Variants in ZBTB20 observed in about 807,000 individuals in gnomAD.
ZBTB20 encodes the protein zinc finger and BTB domain-containing protein 20.
Under a neutral mutation model 56.9 loss-of-function variants are expected in ZBTB20, and 9 were observed. The observed-to-expected ratio is 0.16, with a 90% confidence interval of 0.10 to 0.28. The LOEUF (loss-of-function observed/expected upper bound fraction) is 0.28. ZBTB20 is among the 10% of genes least tolerant of loss of function. The pLI is 1.00. For missense variants in ZBTB20, 655 were observed against 1,003.0 expected (o/e 0.65, Z 4.69); for synonymous variants, 417 against 420.7 (o/e 0.99, Z 0.11).
chr3:114,494,042 T>A (rs1484424818), intron 7 of ZBTB20, among the ~76,000 whole-genome samples: 2 of 152,232 alleles, frequency 1.3e-5, no homozygotes, highest in Non-Finnish European at 2.9e-5. Flanking sequence ...AAATCTCAGT[T>A]TTCTGATCTG....
chr3:114,677,723 A>T (rs943715586), intron 6 of ZBTB20, among the ~76,000 whole-genome samples: 20 of 151,798 alleles, frequency 1.3e-4, no homozygotes, highest in African/African-American at 4.6e-4. Flanking sequence ...AAATTTGAAA[A>T]ATATATATAT....
intron 3 of ZBTB20, among the ~76,000 whole-genome samples, chr3:114,920,541 C>T (rs2075916940): frequency 6.6e-6 from 1 of 151,914 alleles, no homozygotes. Context: ...TTCTTAACAG[C>T]CAATGTGTAA....
intron 5 of ZBTB20, among the ~76,000 whole-genome samples, chr3:114,796,787 T>C (rs567660534): frequency 6.6e-6 from 1 of 152,100 alleles, no homozygotes; most frequent in South Asian, 2.1e-4. Context: ...TTTGATATGC[T>C]GACTCAGAGA....
Position 114,329,700 on chromosome 3 carries a change from C to CT in ZBTB20, c.*9304dup, listed in dbSNP as rs2079173849. The CT allele has an allele frequency of 5.8e-5, 2 of 34,636 alleles. No homozygotes were observed. The highest frequency in any genetic ancestry group is 1.4e-3 in the East Asian group (1 of 708). 2.1% of individuals were successfully genotyped at this position (34,636 alleles called of 1,614,324 possible). A position where few individuals can be genotyped will look rare whatever the true frequency, so the allele number is the denominator to read the frequency against. On this transcript the variant is annotated 3_prime_UTR_variant, in exon 12 of 12. Coordinates refer to ENST00000675478, the MANE Select transcript of ZBTB20 (RefSeq NM_001348800.3). Reference sequence around the variant, plus strand: ...AAGAGTTCCTGAAACTCTGGTTTTACTTTTTTTGGAAAAAAAAAAAAAAAA... The same window carrying CT: ...AAGAGTTCCTGAAACTCTGGTTTTACTTTTTTTTGGAAAAAAAAAAAAAAAA...
intron 10 of ZBTB20, among the ~76,000 whole-genome samples, chr3:114,358,861 CCTCAGTG>C (rs1428155348): frequency 6.6e-6 from 1 of 152,166 alleles, no homozygotes; most frequent in Non-Finnish European, 1.5e-5. Flanking sequence ...TTCTCCCAGA[CCTCAGTG>C]CTCAGGAAAA....
intron 6 of ZBTB20, among the ~76,000 whole-genome samples, chr3:114,520,862 G>T (rs1021720665): frequency 1.3e-5 from 2 of 152,044 alleles, no homozygotes; most frequent in African/African-American, 4.8e-5. Flanking sequence ...CCCTATGTGA[G>T]TAAATATTAA....
chr3:114,751,280 GA>G (rs1206047035), intron 5 of ZBTB20, among the ~76,000 whole-genome samples: 1 of 151,974 alleles, frequency 6.6e-6, no homozygotes, highest in Non-Finnish European at 1.5e-5. Flanking sequence ...CTCTACCAAG[GA>G]CTATACACAC....
intron 2 of ZBTB20, among the ~76,000 whole-genome samples, chr3:114,997,994 T>C (rs1380804385): frequency 1.3e-5 from 2 of 151,782 alleles, no homozygotes; most frequent in Non-Finnish European, 2.9e-5. Flanking sequence ...TCATTTATTT[T>C]TTTAGGATAT....
At chr3:114,444,983 C>T (rs11922796) in intron 7 of ZBTB20, among the ~76,000 whole-genome samples, 38,992 of 152,024 alleles carry the variant, frequency 0.26, 5,488 homozygotes, top group Admixed American at 0.34. Flanking sequence ...AGTTGGTTAA[C>T]CCACTCACCC....
intron 10 of ZBTB20, among the ~76,000 whole-genome samples, chr3:114,379,999 C>T (rs1437546932): frequency 6.6e-6 from 1 of 152,150 alleles, no homozygotes; most frequent in South Asian, 2.1e-4. Flanking sequence ...AATTAATCAG[C>T]CCTTTAAGGC....
At chr3:114,509,876 T>A (rs1379767372) in intron 6 of ZBTB20, among the ~76,000 whole-genome samples, 1 of 152,108 alleles carries the variant, frequency 6.6e-6, no homozygotes, top group Non-Finnish European at 1.5e-5. Context: ...AATATCTGAA[T>A]TCTTGTATTC....
rs919926235 is a variant in ZBTB20, at chr3:115,085,581, C to T, written c.-702-14167G>A. Among the ~76,000 whole-genome samples, 6 of 151,910 alleles carry T rather than the reference C, an allele frequency of 3.9e-5. No homozygotes were observed. The East Asian group carries it at 1.2e-3, about 29-fold the overall frequency. On this transcript the variant is annotated intron_variant, in intron 1 of 11. Transcript: ENST00000675478. Reference sequence around the variant, plus strand: ...AAATGTCCATAGACATAAAATAGTCCTTAAACCCCAGTGGATGCTTTTTCA... The same window carrying T: ...AAATGTCCATAGACATAAAATAGTCTTTAAACCCCAGTGGATGCTTTTTCA...
Position 115,132,450 on chromosome 3 carries a change from T to C in ZBTB20, c.-703+14769A>G, listed in dbSNP as rs965396794. ...TCAAGTTTCTATAATTTTTAGACCA[T>C]ATATCATCAGCAAGAGACACCTGAC... On this transcript the variant is annotated intron_variant, in intron 1 of 11. Coordinates refer to ENST00000675478, the MANE Select transcript of ZBTB20 (RefSeq NM_001348800.3). Among the ~76,000 whole-genome samples the C allele has an allele frequency of 2.0e-5, 3 of 152,302 alleles. No individual in the cohort carries two copies. The South Asian group carries it at 6.2e-4, about 32-fold the overall frequency.
intron 5 of ZBTB20, among the ~76,000 whole-genome samples, chr3:114,760,903 T>C (rs1443311883): frequency 6.6e-6 from 1 of 152,180 alleles, no homozygotes; most frequent in Non-Finnish European, 1.5e-5. Context: ...AAAATCTGTG[T>C]CCATTTTGTG....
chr3:114,725,339 A>G (rs146651084), intron 5 of ZBTB20, among the ~76,000 whole-genome samples: 17 of 152,344 alleles, frequency 1.1e-4, no homozygotes, highest in African/African-American at 3.8e-4. Flanking sequence ...TACTGGGTAC[A>G]TGTAAGTATA....
intron 2 of ZBTB20, among the ~76,000 whole-genome samples, chr3:115,002,230 T>A (rs1309692888): frequency 6.6e-6 from 1 of 151,486 alleles, no homozygotes; most frequent in East Asian, 1.9e-4. Flanking sequence ...TAACTCAAAA[T>A]AAATCATAGA....
At chr3:114,483,664 T>C (rs1206659725) in intron 7 of ZBTB20, among the ~76,000 whole-genome samples, 1 of 152,276 alleles carries the variant, frequency 6.6e-6, no homozygotes, top group Non-Finnish European at 1.5e-5. Flanking sequence ...ACTGAGAACA[T>C]GAGTCTCTCT....
At chr3:114,459,800 G>A (rs1014012428) in intron 7 of ZBTB20, among the ~76,000 whole-genome samples, 1 of 151,826 alleles carries the variant, frequency 6.6e-6, no homozygotes, top group South Asian at 2.1e-4. Flanking sequence ...TCATAGTATC[G>A]CCACTATTTT....
At chr3:114,895,892 G>A (rs571229015) in intron 4 of ZBTB20, among the ~76,000 whole-genome samples, 60 of 152,206 alleles carry the variant, frequency 3.9e-4, no homozygotes, top group East Asian at 3.9e-3. Context: ...CGATGAGGTC[G>A]CACAGCTACT....
Sources: gnomAD v4.1 joint callset for allele counts (sites outside exome capture counted in the v4.1 genomes callset) on GRCh38, gnomAD v4.1.1 for gene constraint, MANE v1.5 for transcripts, NCBI Gene and HGNC (gene_info 2026-07-23, HGNC 2026-07-21) for gene names.